The following CSRNP3 variants were observed in gnomAD, a reference collection of about 807,000 sequenced individuals.
CSRNP3 encodes cysteine/serine-rich nuclear protein 3.
In CSRNP3, 12 loss-of-function variants were observed where a neutral mutation model predicts 48.0. The ratio of observed to expected loss-of-function variants is 0.25; its 90% CI spans 0.16 to 0.41. CSRNP3 has a LOEUF of 0.41. CSRNP3 is among the 10% of genes least tolerant of loss of function. The pLI is 1.00. For missense variants in CSRNP3, 580 were observed against 724.4 expected (o/e 0.80, Z 2.29); for synonymous variants, 263 against 269.7 (o/e 0.98, Z 0.24).
At chr2:165,491,829 T>C (rs1344924969) in intron 1 of CSRNP3, among the ~76,000 whole-genome samples, 6 of 125,566 alleles carry the variant, frequency 4.8e-5, no homozygotes, top group Non-Finnish European at 8.4e-5. Flanking sequence ...AGGGATAGCA[T>C]TGGGAGATAT....
intron 4 of CSRNP3, among the ~76,000 whole-genome samples, chr2:165,630,659 C>T (rs1686520538): frequency 6.6e-6 from 1 of 152,174 alleles, no homozygotes; most frequent in Non-Finnish European, 1.5e-5. Flanking sequence ...AATCATTTTA[C>T]ATTTACTCCA....
At chr2:165,515,933 G>C (rs1029894784) in intron 2 of CSRNP3, among the ~76,000 whole-genome samples, 4 of 150,578 alleles carry the variant, frequency 2.7e-5, no homozygotes, top group African/African-American at 7.3e-5. Flanking sequence ...AGCCACCCAA[G>C]TAGCTGGAAT....
At chr2:165,653,071 C>T (rs1324935295) in intron 4 of CSRNP3, among the ~76,000 whole-genome samples, 1 of 152,142 alleles carries the variant, frequency 6.6e-6, no homozygotes, top group Non-Finnish European at 1.5e-5. Flanking sequence ...CTCCCAGGCT[C>T]AAAGGGCAGA....
intron 3 of CSRNP3, among the ~76,000 whole-genome samples, chr2:165,554,142 C>T (rs1328831899): frequency 2.6e-5 from 4 of 152,090 alleles, no homozygotes; most frequent in Admixed American, 6.6e-5. Context: ...ACACAATCCC[C>T]GCTACTCCTC....
At chr2:165,678,002 C>T (rs1687456637) in intron 6 of CSRNP3, among the ~76,000 whole-genome samples, 1 of 152,014 alleles carries the variant, frequency 6.6e-6, no homozygotes, top group South Asian at 2.1e-4. Context: ...GACTCAGGAC[C>T]TAAACACATG....
intron 5 of CSRNP3, among the ~76,000 whole-genome samples, chr2:165,669,537 C>T (rs1687293952): frequency 1.3e-5 from 2 of 152,156 alleles, no homozygotes; most frequent in Admixed American, 1.3e-4. Context: ...GTCTGGGTAT[C>T]ATTCCACTGA....
intron 3 of CSRNP3, among the ~76,000 whole-genome samples, chr2:165,584,359 C>G (rs915406011): frequency 6.6e-6 from 1 of 152,190 alleles, no homozygotes; most frequent in African/African-American, 2.4e-5. Flanking sequence ...TCCGACACAA[C>G]TTCTCTGCTG....
intron 4 of CSRNP3, among the ~76,000 whole-genome samples, chr2:165,655,588 C>T (rs1457934218): frequency 6.6e-6 from 1 of 152,104 alleles, no homozygotes; most frequent in African/African-American, 2.4e-5. Context: ...TCCTTGGGCT[C>T]CCGTAAAAAT....
intron 4 of CSRNP3, among the ~76,000 whole-genome samples, chr2:165,648,050 T>G (rs1268473782): frequency 6.6e-6 from 1 of 152,168 alleles, no homozygotes; most frequent in African/African-American, 2.4e-5. Context: ...GTGCCTATAT[T>G]TAGCAAAACA....
At chr2:165,605,186 T>G (rs1478980166) in intron 4 of CSRNP3, among the ~76,000 whole-genome samples, 2 of 152,254 alleles carry the variant, frequency 1.3e-5, no homozygotes, top group Non-Finnish European at 2.9e-5. Flanking sequence ...TACTGTGGCT[T>G]CCAGAATCCT....
At chr2:165,596,135 A>ATT (rs11317294) in intron 4 of CSRNP3, among the ~76,000 whole-genome samples, 191 of 120,468 alleles carry the variant, frequency 1.6e-3, no homozygotes, top group African/African-American at 5.2e-3. Flanking sequence ...TTTCTTTTTG[A>ATT]TTTTTTTTTT....
At chr2:165,599,354 G>A (rs1410662537) in intron 4 of CSRNP3, among the ~76,000 whole-genome samples, 1 of 137,694 alleles carries the variant, frequency 7.3e-6, no homozygotes, top group Non-Finnish European at 1.6e-5. Flanking sequence ...AAAGACGAAA[G>A]GAAGTAAAGA....
At chr2:165,538,320 C>G (rs953969460) in intron 3 of CSRNP3, among the ~76,000 whole-genome samples, 5 of 151,932 alleles carry the variant, frequency 3.3e-5, no homozygotes, top group Non-Finnish European at 7.4e-5. Context: ...TTCCCCAAAA[C>G]CAGTAGGAAA....
intron 3 of CSRNP3, among the ~76,000 whole-genome samples, chr2:165,545,674 C>T (rs1685014888): frequency 6.6e-6 from 1 of 151,960 alleles, no homozygotes; most frequent in African/African-American, 2.4e-5. Flanking sequence ...TACCTGGTGC[C>T]TAGGATGAGT....
intron 3 of CSRNP3, among the ~76,000 whole-genome samples, chr2:165,569,850 T>C (rs1685344700): frequency 6.6e-6 from 1 of 151,920 alleles, no homozygotes; most frequent in African/African-American, 2.4e-5. Context: ...TTTCACATTA[T>C]AGTACTTCTT....
chr2:165,505,663 G>A (rs946538838), intron 2 of CSRNP3, among the ~76,000 whole-genome samples: 5 of 152,070 alleles, frequency 3.3e-5, no homozygotes, highest in South Asian at 2.1e-4. Context: ...AAAAGGCTGC[G>A]AGGAATTACT....
chr2:165,549,741 C>A (rs973216564), intron 3 of CSRNP3, among the ~76,000 whole-genome samples: 1 of 152,110 alleles, frequency 6.6e-6, no homozygotes, highest in Admixed American at 6.6e-5. Context: ...TTAAAACCTG[C>A]GACAAGGCCA....
At chr2:165,543,844 A>G (rs1358785871) in intron 3 of CSRNP3, among the ~76,000 whole-genome samples, 1 of 152,162 alleles carries the variant, frequency 6.6e-6, no homozygotes, top group Non-Finnish European at 1.5e-5. Flanking sequence ...TTCAATAAAT[A>G]TGACTGAGCT....
intron 2 of CSRNP3, among the ~76,000 whole-genome samples, chr2:165,507,031 A>G (rs1369410830): frequency 6.6e-6 from 1 of 152,180 alleles, no homozygotes; most frequent in Non-Finnish European, 1.5e-5. Context: ...GCTAAACTAA[A>G]TATTTTTTCA....
Sources: gnomAD v4.1 joint callset for allele counts (sites outside exome capture counted in the v4.1 genomes callset) on GRCh38, gnomAD v4.1.1 for gene constraint, MANE v1.5 for transcripts, NCBI Gene and HGNC (gene_info 2026-07-23, HGNC 2026-07-21) for gene names.